SMPD1: variants seen among roughly 807,000 people sequenced by gnomAD.
SMPD1 encodes the protein sphingomyelin phosphodiesterase 1.
A neutral mutation model predicts 49.7 loss-of-function variants in SMPD1; 47 were observed. That is an observed-to-expected ratio of 0.95 (90% CI 0.75 to 1.21). The LOEUF (loss-of-function observed/expected upper bound fraction) is 1.21. Ranked by LOEUF, SMPD1 falls within the 50% of genes most tolerant of loss-of-function variation. The probability of loss-of-function intolerance (pLI) is 0.00; values close to 1 mark genes in which losing one functional copy is unlikely to be tolerated. For synonymous variants in SMPD1, 336 were observed against 339.6 expected (o/e 0.99, Z 0.12); for missense variants, 811 against 822.2 (o/e 0.99, Z 0.17).
chr11:6,390,566 C>T lies in SMPD1; in HGVS notation c.-33C>T. ...AGGGTCCAGGCCGGGGGGGACGGGA[C>T]AGACGAACCAGCCCCGTGTAGGAAG... On this transcript the variant is annotated 5_prime_UTR_variant, in exon 1 of 6. Transcript: ENST00000342245. 1 of 1,602,794 alleles carries T rather than the reference C, an allele frequency of 6.2e-7. No individual in the cohort carries two copies. The highest frequency in any genetic ancestry group is 2.3e-5 in the East Asian group (1 of 44,396).
intron 4 of SMPD1, 86 bp from the exon 5 acceptor site, chr11:6,393,810 C>A: frequency 6.4e-7 from 1 of 1,569,770 alleles, no homozygotes; most frequent in Non-Finnish European, 8.8e-7. Context: ...CTCACTAGAA[C>A]AGGTTGGAGA....
chr11:6,391,563 C>G lies in SMPD1; in HGVS notation c.498C>G (p.Thr166=). Residue 166 remains threonine, a synonymous_variant, in exon 2 of 6, where the codon ACC becomes ACG. Transcript: ENST00000342245. ...SEACGLLLGS[T]CGHWDIFSSW... ...CCTGTGGCCTGCTCCTGGGCTCCACCTGTGGGCACTGGGACATTTTCTCAT... is the reference window on the plus strand; with the variant it reads ...CCTGTGGCCTGCTCCTGGGCTCCACGTGTGGGCACTGGGACATTTTCTCAT... 1 of 1,613,558 alleles carries G rather than the reference C, an allele frequency of 6.2e-7. No individual in the cohort carries two copies. The highest frequency in any genetic ancestry group is 8.5e-7 in the Non-Finnish European group (1 of 1,179,840).
chr11:6,391,773 G>A lies in SMPD1; in HGVS notation c.708G>A (p.Pro236=), dbSNP rs374604948. 207 of 1,611,970 alleles carry A rather than the reference G, an allele frequency of 1.3e-4. No homozygotes were observed. Among genetic ancestry groups the A allele is most frequent in the Non-Finnish European group, 1.5e-4 (176 of 1,180,030 alleles). The change falls in exon 2 of 6, where the codon CCG becomes CCA. Residue 236 remains proline, a synonymous_variant. Coordinates refer to ENST00000342245, the MANE Select transcript of SMPD1 (RefSeq NM_000543.5). ...GCTGCCGCCGGGGTTCTGGCCTGCC[G>A]CCCGCATCCCGGCCAGGTGCCGGAT... is the stretch of plus-strand genomic sequence containing the variant. ...PLCCRRGSGL[P]PASRPGAGYW... is the part of the protein sequence containing the mutation.
chr11:6,394,698 C>G lies in SMPD1; in HGVS notation c.*91C>G. The stretch of plus-strand genomic sequence containing the variant: ...TGTGGTTCAACCAGGCAAGATCATC[C>G]GGTGAAAGAACCAGTCCCTGGGCCC... On this transcript the variant is annotated 3_prime_UTR_variant, in exon 6 of 6. Transcript: ENST00000342245. 6 of 1,111,028 alleles carry G rather than the reference C, an allele frequency of 5.4e-6. No homozygotes were observed. The highest frequency in any genetic ancestry group is 7.9e-6 in the Non-Finnish European group (6 of 757,576). The allele number at this position is 1,111,028 out of a possible 1,614,324, so 68.8% of individuals were successfully genotyped here.
chr11:6,392,337 T>G, intron 2 of SMPD1, 181 bp downstream of exon 2: 1 of 639,428 alleles, frequency 1.6e-6, no homozygotes, highest in Non-Finnish European at 2.6e-6. Flanking sequence ...GGCTTTTTTT[T>G]TTTTTTTTTT....
Position 6,392,169 on chromosome 11 carries a change from C to T in SMPD1, c.1091+13C>T, listed in dbSNP as rs371340833. On this transcript the variant is annotated intron_variant, in intron 2 of 5. Transcript: ENST00000342245. ...TGCGCACCCTCAGGTACTTATCGTC[C>T]GTGGAAACCCAGGAAGGGAAAAGAA... The T allele has an allele frequency of 5.5e-5, 88 of 1,613,928 alleles. No homozygotes were observed. Among genetic ancestry groups the T allele is most frequent in the South Asian group, 4.6e-4 (42 of 91,068 alleles).
At chr11:6,393,505 G>A (rs1848033899) in intron 3 of SMPD1, 112 bp from the exon 4 acceptor site, 1 of 1,396,686 alleles carries the variant, frequency 7.2e-7, no homozygotes, top group Admixed American at 1.8e-5. Context: ...GTGTTCCCTG[G>A]GGATTCAGCT....
Position 6,393,342 on chromosome 11 carries a change from G to T in SMPD1, c.1218G>T (p.Gln406His). 1 of 1,614,002 alleles carries T rather than the reference G, an allele frequency of 6.2e-7. No homozygotes were observed. The highest frequency in any genetic ancestry group is 8.5e-7 in the Non-Finnish European group (1 of 1,179,860). ...INSTDPAGQL[Q>H]WLVGELQAAE... ...CCACGGATCCCGCAGGACAGCTCCAGTGGCTGGTGGGGGAGCTTCAGGCTG... is the reference window on the plus strand; with the variant it reads ...CCACGGATCCCGCAGGACAGCTCCATTGGCTGGTGGGGGAGCTTCAGGCTG... The change falls in exon 3 of 6, where the codon CAG becomes CAT. Residue 406 changes from glutamine to histidine, a missense_variant. Transcript: ENST00000342245.
intron 5 of SMPD1, 43 bp from the exon 6 acceptor site, chr11:6,394,154 TA>T (rs1350549258): frequency 9.9e-6 from 16 of 1,614,012 alleles, no homozygotes; most frequent in Non-Finnish European, 1.4e-5. Context: ...TCCCTGGAGT[TA>T]CCCTTGCTCC....
chr11:6,391,289 G>A lies in SMPD1; in HGVS notation c.319-95G>A, dbSNP rs553714374. 2.2e-4 allele frequency: 280 copies of A among 1,281,690 alleles called. No individual in the cohort carries two copies. The African/African-American group carries it at 3.2e-3, about 15-fold the overall frequency. 79.4% of individuals were successfully genotyped at this position (1,281,690 alleles called of 1,614,324 possible). On this transcript the variant is annotated intron_variant, in intron 1 of 5. Transcript: ENST00000342245. ...GTGCACTGAGTCCTGCCCAGCCCCA[G>A]TTTGGAAATGGAGGCCCAAGGGGTG... is the stretch of plus-strand genomic sequence containing the variant.
At chr11:6,392,261 T>C in intron 2 of SMPD1, 105 bp downstream of exon 2, 1 of 1,250,532 alleles carries the variant, frequency 8.0e-7, no homozygotes, top group Non-Finnish European at 1.2e-6. Flanking sequence ...GCATGAGTCC[T>C]TAGTGCTCTT....
Position 6,392,096 on chromosome 11 carries a change from A to G in SMPD1, c.1031A>G (p.Tyr344Cys), listed in dbSNP as rs1243945890. The change falls in exon 2 of 6, where the codon TAT (tyrosine) becomes TGT (cysteine). Residue 344 changes from tyrosine to cysteine, a missense_variant. By Grantham distance (194) the Tyr-to-Cys change is radical (BLOSUM62 -2). Transcript: ENST00000342245. ...GGCAACCACTCCTCCCGCTGGCTCT[A>G]TGAAGCGATGGCCAAGGCTTGGGAG... Reference protein sequence around the residue: ...IEGNHSSRWLYEAMAKAWEPW... With the variant: ...IEGNHSSRWLCEAMAKAWEPW... 3.1e-6 allele frequency: 5 copies of G among 1,614,002 alleles called. No homozygotes were observed. The highest frequency in any genetic ancestry group is 4.2e-6 in the Non-Finnish European group (5 of 1,180,030).
At position 6,393,689 on chromosome 11, in the gene SMPD1, G is replaced by GCCAGGTAGGA; in HGVS notation, c.1338_1340+7dup. ...GAGCTGGAATTATTACCGAATTGTAGCCAGGTAGGACGGAGATGAGGGTGG... is the reference window on the plus strand; with the variant it reads ...GAGCTGGAATTATTACCGAATTGTAGCCAGGTAGGACCAGGTAGGACGGAGATGAGGGTGG... On this transcript the variant is annotated stop_gained and frameshift_variant, in exon 4 of 6. Coordinates refer to ENST00000342245, the MANE Select transcript of SMPD1 (RefSeq NM_000543.5). LOFTEE classifies it high-confidence loss of function. The GCCAGGTAGGA allele has an allele frequency of 6.2e-7, 1 of 1,613,814 alleles. No individual in the cohort carries two copies. Among genetic ancestry groups the GCCAGGTAGGA allele is most frequent in the Non-Finnish European group, 8.5e-7 (1 of 1,179,658 alleles).
At chr11:6,391,200 G>A (rs1034249118) in intron 1 of SMPD1, among the ~76,000 whole-genome samples, 184 bp from the exon 2 acceptor site, 27 of 152,364 alleles carry the variant, frequency 1.8e-4, no homozygotes, top group African/African-American at 6.5e-4. Context: ...AAGAAGAAGC[G>A]ATGGCCTGGT....
Position 6,393,127 on chromosome 11 carries a change from A to G in SMPD1, c.1092-89A>G, listed in dbSNP as rs1045504033. The G allele has an allele frequency of 3.7e-6, 4 of 1,069,024 alleles. No homozygotes were observed. In the African/African-American group the frequency reaches 4.7e-5, roughly 12 times the overall value. The allele number at this position is 1,069,024 out of a possible 1,614,324, so 66.2% of individuals were successfully genotyped here. On this transcript the variant is annotated intron_variant, in intron 2 of 5. Transcript: ENST00000342245. The stretch of plus-strand genomic sequence containing the variant: ...GCTCCTTGCAGGTGGGGAAGATGTC[A>G]TGTATGCTTTTACCCTCCACCCAAA...
intron 2 of SMPD1, 165 bp downstream of exon 2, chr11:6,392,321 G>A (rs1218058502): frequency 1.0e-5 from 6 of 581,466 alleles, no homozygotes; most frequent in African/African-American, 2.0e-5. Flanking sequence ...CTGTTTTGCC[G>A]CACCAGGCTT....
chr11:6,391,776 C>T lies in SMPD1; in HGVS notation c.711C>T (p.Pro237=), dbSNP rs1847926093. The T allele has an allele frequency of 3.1e-6, 5 of 1,612,078 alleles. No homozygotes were observed. Among genetic ancestry groups the T allele is most frequent in the South Asian group, 2.2e-5 (2 of 91,082 alleles). ...GCCGCCGGGGTTCTGGCCTGCCGCCCGCATCCCGGCCAGGTGCCGGATACT... is the reference window on the plus strand; with the variant it reads ...GCCGCCGGGGTTCTGGCCTGCCGCCTGCATCCCGGCCAGGTGCCGGATACT... ...LCCRRGSGLP[P]ASRPGAGYWG... The change falls in exon 2 of 6, where the codon CCC becomes CCT. Residue 237 remains proline, a synonymous_variant. Transcript: ENST00000342245.
rs1848012005 is a variant in SMPD1 at position 6,393,201 on chromosome 11, T to A, written c.1092-15T>A. The A allele has an allele frequency of 6.2e-7, 1 of 1,612,714 alleles. No individual in the cohort carries two copies. The highest frequency in any genetic ancestry group is 2.2e-5 in the East Asian group (1 of 44,872). On this transcript the variant is annotated splice_polypyrimidine_tract_variant and intron_variant, in intron 2 of 5. Coordinates refer to ENST00000342245, the MANE Select transcript of SMPD1 (RefSeq NM_000543.5). Reference sequence around the variant, plus strand: ...TTGGAACAAGTGTTGACCTCTCATGTTTACTTTGTTTCAGAATTGGGGGGT... The same window carrying A: ...TTGGAACAAGTGTTGACCTCTCATGATTACTTTGTTTCAGAATTGGGGGGT...
rs781742000 is a variant in SMPD1, at chr11:6,390,703, GGTGCTGGCGC to G, written c.106_115del (p.Val36TrpfsTer38). On this transcript the variant is annotated frameshift_variant, in exon 1 of 6. Transcript: ENST00000342245. LOFTEE classifies it high-confidence loss of function. ...CCCCCGGACTCCTTTGGATGGGCCT[GGTGCTGGCGC>G]TGGCGCTGGCGCTGGCGCTGGCGCT... 3.2e-6 allele frequency: 4 copies of G among 1,257,692 alleles called. No individual in the cohort carries two copies. Among genetic ancestry groups the G allele is most frequent in the Non-Finnish European group, 4.3e-6 (4 of 926,688 alleles). 77.9% of individuals were successfully genotyped at this position (1,257,692 alleles called of 1,614,324 possible).
Sources: allele counts gnomAD v4.1 joint callset (sites outside exome capture counted in the v4.1 genomes callset), GRCh38; gene constraint gnomAD v4.1.1; transcripts MANE v1.5; gene names NCBI Gene and HGNC (gene_info 2026-07-23, HGNC 2026-07-21).